The following SHROOM4 variants were observed in gnomAD, a reference collection of about 807,000 sequenced individuals.
SHROOM4 encodes the protein protein Shroom4.
SHROOM4 carries 17 observed loss-of-function variants against 80.3 expected under a neutral mutation model. The observed-to-expected ratio is 0.21, with a 90% CI of 0.14 to 0.32. The LOEUF is 0.32. Among genes scored for constraint, SHROOM4 ranks in the 10% least tolerant of loss-of-function variants. The probability of loss-of-function intolerance (pLI) is 1.00; values close to 1 mark genes in which losing one functional copy is unlikely to be tolerated. For synonymous variants in SHROOM4, 400 were observed against 437.5 expected, an observed-to-expected ratio of 0.91 and a Z score of 1.07; for missense variants, 993 against 1,140.3, an observed-to-expected ratio of 0.87 and a Z score of 1.86.
chrX:50,690,565 G>A lies in SHROOM4; in HGVS notation c.269+5221C>T, dbSNP rs186523540. ...TGTTAGTCTGCTAGTGTTTCTTTGT[G>A]CTAATATTCACATATAAATGTGATC... On this transcript the variant is annotated intron_variant, in intron 2 of 8. Coordinates refer to ENST00000376020, the MANE Select transcript of SHROOM4 (RefSeq NM_020717.5). 9.5e-3 allele frequency among the ~76,000 whole-genome samples: 1,065 copies of A among 112,384 alleles called. 6 individuals carry two copies. The highest frequency in any genetic ancestry group is 0.033 in the South Asian group (91 of 2,733).
intron 7 of SHROOM4, 144 bp downstream of exon 7, chrX:50,602,489 G>A (rs1226076001): frequency 1.8e-6 from 1 of 570,535 alleles, no homozygotes; most frequent in Non-Finnish European, 3.0e-6. Context: ...ACTTGGATCT[G>A]TGAGAAATCC....
chrX:50,615,882 G>A (rs1166510932), intron 5 of SHROOM4, among the ~76,000 whole-genome samples: 2 of 111,998 alleles, frequency 1.8e-5, no homozygotes, highest in South Asian at 3.7e-4. Context: ...TTGGGGTAGC[G>A]CAAGCTAATG....
chrX:50,629,753 A>C (rs1557253764), intron 4 of SHROOM4, among the ~76,000 whole-genome samples: 1 of 111,955 alleles, frequency 8.9e-6, no homozygotes, highest in East Asian at 2.8e-4. Context: ...ACGTGAGTGC[A>C]TGCTGATTTC....
At chrX:50,812,873 G>C (rs1290383884) in intron 1 of SHROOM4, among the ~76,000 whole-genome samples, 1 of 111,965 alleles carries the variant, frequency 8.9e-6, no homozygotes, top group Non-Finnish European at 1.9e-5. Context: ...AGGGCTTTTC[G>C]GATTTGAGGA....
rs1936407666 is a variant in SHROOM4, at chrX:50,814,043, G to C, written c.-25C>G. The stretch of plus-strand genomic sequence containing the variant: ...TCCTCGGCTGGGCTCAGGCGCCGCC[G>C]GGCTCCTTTTCCGAGGGGGCTACGT... On this transcript the variant is annotated 5_prime_UTR_variant, in exon 1 of 9. Transcript: ENST00000376020. 8.0e-6 allele frequency: 9 copies of C among 1,121,636 alleles called. No homozygotes were observed. Among genetic ancestry groups the C allele is most frequent in the Admixed American group, 2.2e-5 (1 of 44,819 alleles). The allele number at this position is 1,121,636 out of a possible 1,213,427, so 92.4% of individuals were successfully genotyped here.
intron 2 of SHROOM4, among the ~76,000 whole-genome samples, chrX:50,679,960 C>A (rs1373126438): frequency 8.9e-6 from 1 of 112,164 alleles, no homozygotes; most frequent in African/African-American, 3.2e-5. Flanking sequence ...ATGAAACAAT[C>A]CATTCAGGCT....
intron 1 of SHROOM4, among the ~76,000 whole-genome samples, chrX:50,697,354 A>G (rs1442294308): frequency 1.8e-5 from 2 of 111,184 alleles, no homozygotes; most frequent in African/African-American, 6.6e-5. Flanking sequence ...TCTTGTTCCA[A>G]TCTCTCTCTC....
intron 4 of SHROOM4, among the ~76,000 whole-genome samples, chrX:50,632,673 G>C (rs1350254090): frequency 8.9e-6 from 1 of 112,236 alleles, no homozygotes; most frequent in Non-Finnish European, 1.9e-5. Context: ...TACTTCTGAA[G>C]TAGAAAATGG....
chrX:50,746,596 A>C lies in SHROOM4; in HGVS notation c.118-50659T>G, dbSNP rs1380923688. Among the ~76,000 whole-genome samples, 4 of 112,059 alleles carry C rather than the reference A, an allele frequency of 3.6e-5. No individual in the cohort carries two copies. The South Asian group carries it at 1.5e-3, about 42-fold the overall frequency. On this transcript the variant is annotated intron_variant, in intron 1 of 8. Transcript: ENST00000376020. ...TGGTAAATTCAAGTCCTTGCATTTA[A>C]GGAGTTATAGGCTACAGTGTAAGAA...
chrX:50,575,981 G>A, the SHROOM4 span, among the ~76,000 whole-genome samples: 1 of 111,576 alleles, frequency 9.0e-6, no homozygotes, highest in Non-Finnish European at 1.9e-5. Flanking sequence ...TTTTGTGGGG[G>A]GAATCACCCC....
At chrX:50,695,720 T>A in intron 2 of SHROOM4, 66 bp downstream of exon 2, 1 of 1,107,827 alleles carries the variant, frequency 9.0e-7, no homozygotes, top group African/African-American at 1.8e-5. Flanking sequence ...ATGACTCTAT[T>A]GAGCTTTATT....
chrX:50,813,182 G>GGCGGCGGCGGCGGCGGCA (rs1342056702), intron 1 of SHROOM4, among the ~76,000 whole-genome samples: 8 of 109,876 alleles, frequency 7.3e-5, no homozygotes, highest in African/African-American at 2.6e-4. Flanking sequence ...CGGCGGCGGC[G>GGCGGCGGCGGCGGCGGCA]GCGGCAGCGG....
intron 3 of SHROOM4, 36 bp downstream of exon 3, chrX:50,638,138 C>T (rs1557256466): frequency 8.4e-7 from 1 of 1,193,119 alleles, no homozygotes; most frequent in South Asian, 1.8e-5. Context: ...GGTGTCTACC[C>T]TCCAGCCTGT....
intron 1 of SHROOM4, among the ~76,000 whole-genome samples, chrX:50,746,884 C>T (rs1042371448): frequency 7.1e-5 from 8 of 112,201 alleles, no homozygotes; most frequent in African/African-American, 2.6e-4. Context: ...GATATGGCAA[C>T]TCCAGCAGGC....
chrX:50,812,978 T>C (rs1450601989), intron 1 of SHROOM4, among the ~76,000 whole-genome samples: 3 of 111,689 alleles, frequency 2.7e-5, no homozygotes, highest in African/African-American at 9.7e-5. Context: ...CAAGTCACTC[T>C]TCCTGGTAAC....
rs186432489 is a variant in SHROOM4 at position 50,589,590 on chromosome X, G to A, written c.*7105C>T. Among the ~76,000 whole-genome samples the A allele has an allele frequency of 9.0e-6, 1 of 111,645 alleles. No homozygotes were observed. The highest frequency in any genetic ancestry group is 1.9e-5 in the Non-Finnish European group (1 of 53,115). On this transcript the variant is annotated 3_prime_UTR_variant, in exon 9 of 9. Coordinates refer to ENST00000376020, the MANE Select transcript of SHROOM4 (RefSeq NM_020717.5). ...TAGCATATTTTCAAGGTTCATCAAT[G>A]TTACATGTATCAGTATTTTATCCAT...
chrX:50,731,966 A>G (rs782405485), intron 1 of SHROOM4, among the ~76,000 whole-genome samples: 22 of 112,199 alleles, frequency 2.0e-4, no homozygotes, highest in African/African-American at 6.2e-4. Context: ...GAATTGGAGA[A>G]TAAGACAGCT....
chrX:50,666,093 G>T (rs1472853878), intron 2 of SHROOM4, among the ~76,000 whole-genome samples: 3 of 111,966 alleles, frequency 2.7e-5, no homozygotes, highest in Admixed American at 9.5e-5. Context: ...ATGGGATCTG[G>T]AGTCAAACAC....
At chrX:50,746,604 T>C (rs917807204) in intron 1 of SHROOM4, among the ~76,000 whole-genome samples, 4 of 112,048 alleles carry the variant, frequency 3.6e-5, no homozygotes, top group African/African-American at 9.7e-5. Flanking sequence ...TAAGGAGTTA[T>C]AGGCTACAGT....
Sources: gnomAD v4.1 joint callset for allele counts (sites outside exome capture counted in the v4.1 genomes callset) on GRCh38, gnomAD v4.1.1 for gene constraint, MANE v1.5 for transcripts, NCBI Gene and HGNC (gene_info 2026-07-23, HGNC 2026-07-21) for gene names.